PTPRO: variants seen among roughly 807,000 people sequenced by gnomAD.
PTPRO encodes the protein protein tyrosine phosphatase receptor type O, also known as receptor-type tyrosine-protein phosphatase O.
A neutral mutation model predicts 145.2 loss-of-function variants in PTPRO; 62 were observed. That is an observed-to-expected ratio of 0.43 (90% CI 0.35 to 0.53). The LOEUF is 0.53. Ranked by LOEUF, PTPRO falls within the 20% of genes least tolerant of loss-of-function variation. The pLI, the probability that PTPRO is intolerant of heterozygous loss-of-function variation, is 0.01. For missense variants in PTPRO, 1,345 were observed against 1,482.7 expected (o/e 0.91, Z 1.53); for synonymous variants, 565 against 514.7 (o/e 1.10, Z -1.32).
At chr12:15,391,998 C>G (rs954227992) in intron 1 of PTPRO, among the ~76,000 whole-genome samples, 5 of 152,114 alleles carry the variant, frequency 3.3e-5, no homozygotes, top group Non-Finnish European at 7.3e-5. Flanking sequence ...GTATTATACC[C>G]AAGTTTTTGT....
At chr12:15,460,083 C>T (rs1941267914) in intron 1 of PTPRO, among the ~76,000 whole-genome samples, 1 of 152,168 alleles carries the variant, frequency 6.6e-6, no homozygotes, top group African/African-American at 2.4e-5. Flanking sequence ...ATTCATTCAC[C>T]TATTTTCATG....
chr12:15,434,688 A>T (rs896886983), intron 1 of PTPRO, among the ~76,000 whole-genome samples: 2 of 152,192 alleles, frequency 1.3e-5, no homozygotes, highest in African/African-American at 4.8e-5. Context: ...GATTTGGTTG[A>T]TGTTTCTCAA....
chr12:15,425,156 A>G (rs1453262980), intron 1 of PTPRO, among the ~76,000 whole-genome samples: 1 of 152,134 alleles, frequency 6.6e-6, no homozygotes. Context: ...TGTTGTGCTC[A>G]TACTCCCACG....
In PTPRO at chr12:15,448,339, T is replaced by TAAAAAAAAAAAAAAAAA. The variant is rs56136736; in HGVS notation, c.76-35630_76-35614dup. On this transcript the variant is annotated intron_variant, in intron 1 of 26. Coordinates refer to ENST00000281171, the MANE Select transcript of PTPRO (RefSeq NM_030667.3). ...CTCTATTCTATCTTCCTGTTCCTAG[T>TAAAAAAAAAAAAAAAAA]AAAAAAAAAAAAAAAAAAAAAGCAC... Among the ~76,000 whole-genome samples the TAAAAAAAAAAAAAAAAA allele has an allele frequency of 4.3e-3, 192 of 45,034 alleles. 77 individuals carry two copies. Among genetic ancestry groups the TAAAAAAAAAAAAAAAAA allele is most frequent in the Middle Eastern group, 0.091 (2 of 22 alleles). The allele number at this position is 45,034 out of a possible 152,430, so 29.5% of individuals were successfully genotyped here.
At chr12:15,332,106 C>T (rs1398626879) in intron 1 of PTPRO, among the ~76,000 whole-genome samples, 1 of 151,908 alleles carries the variant, frequency 6.6e-6, no homozygotes, top group Non-Finnish European at 1.5e-5. Flanking sequence ...GCTGCGATTA[C>T]AGGCATGCAC....
At chr12:15,362,791 A>G (rs1454212325) in intron 1 of PTPRO, among the ~76,000 whole-genome samples, 1 of 152,196 alleles carries the variant, frequency 6.6e-6, no homozygotes, top group Non-Finnish European at 1.5e-5. Flanking sequence ...ACGATATTAT[A>G]GTATGCATAT....
In PTPRO at chr12:15,497,372, AG is replaced by A; in HGVS notation, c.479del (p.Gly160ValfsTer74). The stretch of plus-strand genomic sequence containing the variant: ...CAAGAGTGAACATTAGCTACTGGGA[AG>A]GTAAAGACTTCCGGACAATGCTATA... ...FTRVNISYWE[G>X]KDFRTMLYKD... On this transcript the variant is annotated frameshift_variant, in exon 3 of 27. Transcript: ENST00000281171. LOFTEE classifies it high-confidence loss of function. 1.2e-6 allele frequency: 2 copies of A among 1,613,530 alleles called. No homozygotes were observed. The highest frequency in any genetic ancestry group is 1.7e-6 in the Non-Finnish European group (2 of 1,179,604).
intron 12 of PTPRO, among the ~76,000 whole-genome samples, chr12:15,532,384 T>G (rs538301222): frequency 3.2e-4 from 48 of 152,294 alleles, no homozygotes; most frequent in African/African-American, 8.4e-4. Context: ...CAATTTACAC[T>G]TATGGTGGAT....
chr12:15,386,190 A>G (rs1344198063), intron 1 of PTPRO, among the ~76,000 whole-genome samples: 2 of 152,200 alleles, frequency 1.3e-5, no homozygotes, highest in East Asian at 3.8e-4. Flanking sequence ...GCTGGAGTCT[A>G]CAGAAACAAC....
intron 19 of PTPRO, among the ~76,000 whole-genome samples, chr12:15,570,864 A>G (rs1252765901): frequency 2.6e-5 from 4 of 152,232 alleles, no homozygotes; most frequent in African/African-American, 4.8e-5. Context: ...CAGCTGGATC[A>G]TAACCTCTGC....
intron 1 of PTPRO, among the ~76,000 whole-genome samples, chr12:15,478,500 A>T (rs1941706648): frequency 6.6e-6 from 1 of 152,142 alleles, no homozygotes. Flanking sequence ...ACAATCTAAG[A>T]TCAATTTTTC....
In PTPRO at chr12:15,446,149, A is replaced by AAAC. The variant is rs539570705; in HGVS notation, c.76-37810_76-37808dup. Among the ~76,000 whole-genome samples the AAAC allele has an allele frequency of 1.7e-3, 259 of 152,246 alleles. 1 individual carries two copies. Among genetic ancestry groups the AAAC allele is most frequent in the African/African-American group, 5.9e-3 (247 of 41,544 alleles). On this transcript the variant is annotated intron_variant, in intron 1 of 26. Coordinates refer to ENST00000281171, the MANE Select transcript of PTPRO (RefSeq NM_030667.3). ...ATGTTATTCTATTGTTCAATTTGAAAAACAACAACAACAACAAATAATCTC... is the reference window on the plus strand; with the variant it reads ...ATGTTATTCTATTGTTCAATTTGAAAAACAACAACAACAACAACAAATAATCTC...
chr12:15,408,710 G>T (rs1261947976), intron 1 of PTPRO, among the ~76,000 whole-genome samples: 2 of 152,174 alleles, frequency 1.3e-5, no homozygotes, highest in Non-Finnish European at 2.9e-5. Flanking sequence ...TTACAGGCGT[G>T]AGCCACCGTG....
chr12:15,491,253 T>A (rs557290591), intron 2 of PTPRO, among the ~76,000 whole-genome samples: 1 of 152,354 alleles, frequency 6.6e-6, no homozygotes, highest in East Asian at 1.9e-4. Context: ...ATTCTTCAGC[T>A]GGTCACATCA....
chr12:15,504,078 C>A lies in PTPRO; in HGVS notation c.1267+9C>A. ...ACTCAGCTTTTATATCAGTAAGTAA[C>A]AAAGAGATCATTTTACACTTACTGG... On this transcript the variant is annotated intron_variant, in intron 6 of 26. Coordinates refer to ENST00000281171, the MANE Select transcript of PTPRO (RefSeq NM_030667.3). The A allele has an allele frequency of 6.2e-7, 1 of 1,605,058 alleles. No individual in the cohort carries two copies. The highest frequency in any genetic ancestry group is 1.1e-5 in the South Asian group (1 of 90,902).
intron 1 of PTPRO, among the ~76,000 whole-genome samples, chr12:15,354,295 T>C (rs567514063): frequency 6.6e-6 from 1 of 152,320 alleles, no homozygotes; most frequent in East Asian, 1.9e-4. Flanking sequence ...ATCAGTGATT[T>C]CACCGTTCTT....
At chr12:15,424,568 G>A (rs1457806960) in intron 1 of PTPRO, among the ~76,000 whole-genome samples, 1 of 152,016 alleles carries the variant, frequency 6.6e-6, no homozygotes, top group Non-Finnish European at 1.5e-5. Context: ...CACATAGAAT[G>A]ATTAAACGAA....
chr12:15,474,727 T>C (rs770677050), intron 1 of PTPRO, among the ~76,000 whole-genome samples: 18 of 152,322 alleles, frequency 1.2e-4, no homozygotes, highest in Admixed American at 3.3e-4. Context: ...CTTGCCTACA[T>C]TTATCAGATC....
intron 2 of PTPRO, among the ~76,000 whole-genome samples, chr12:15,496,148 T>G (rs1464473559): frequency 7.2e-5 from 10 of 139,242 alleles, no homozygotes; most frequent in African/African-American, 1.6e-4. Context: ...TTTTGTTTTT[T>G]TTTTTTTTTT....
Sources: allele counts gnomAD v4.1 joint callset (sites outside exome capture counted in the v4.1 genomes callset), GRCh38; gene constraint gnomAD v4.1.1; transcripts MANE v1.5; gene names NCBI Gene and HGNC (gene_info 2026-07-23, HGNC 2026-07-21).